Variants in MRC1 observed in about 807,000 individuals in gnomAD.
MRC1 encodes the protein mannose receptor C-type 1, also known as macrophage mannose receptor 1.
MRC1 carries 62 observed loss-of-function variants against 102.9 expected under a neutral mutation model. The observed-to-expected ratio is 0.60, with a 90% CI of 0.49 to 0.74. MRC1 has a LOEUF of 0.74. Among genes scored for constraint, MRC1 ranks in the 30% least tolerant of loss-of-function variants. The pLI is 0.00. For synonymous variants in MRC1, 457 were observed against 298.4 expected (o/e 1.53, Z -5.48); for missense variants, 1,237 against 862.8 (o/e 1.43, Z -5.43).
At chr10:17,829,935 A>G (rs1838543850) in intron 3 of MRC1, among the ~76,000 whole-genome samples, 1 of 151,558 alleles carries the variant, frequency 6.6e-6, no homozygotes. Flanking sequence ...TATTACTTGT[A>G]TTTATGCCTT....
chr10:17,869,796 T>A (rs1031674605), intron 12 of MRC1, among the ~76,000 whole-genome samples: 30 of 152,232 alleles, frequency 2.0e-4, no homozygotes, highest in African/African-American at 7.2e-4. Flanking sequence ...TTGTTTAAGC[T>A]GAACACACTA....
At position 17,823,217 on chromosome 10, in the gene MRC1, G is replaced by A; in HGVS notation, c.205G>A (p.Val69Ile). 2.6e-6 allele frequency: 2 copies of A among 780,834 alleles called. No homozygotes were observed. The highest frequency in any genetic ancestry group is 1.3e-5 in the South Asian group (1 of 74,608). The allele number at this position is 780,834 out of a possible 1,614,324, so 48.4% of individuals were successfully genotyped here. Reference protein sequence around the residue: ...RWVSESQIMSVAFKLCLGVPS... With the variant: ...RWVSESQIMSIAFKLCLGVPS... Reference sequence around the variant, plus strand: ...GGTGTCCGAATCTCAGATTATGAGTGTTGCATTTAAATTATGCCTGGGAGT... The same window carrying A: ...GGTGTCCGAATCTCAGATTATGAGTATTGCATTTAAATTATGCCTGGGAGT... The change falls in exon 2 of 30, where the codon GTT becomes ATT. Residue 69 changes from valine (V) to isoleucine (I), a missense_variant. Physicochemically the swap from Val to Ile is conservative, Grantham distance 29. Transcript: ENST00000569591.
intron 22 of MRC1, among the ~76,000 whole-genome samples, chr10:17,886,542 C>T (rs1234688930): frequency 6.6e-6 from 1 of 152,110 alleles, no homozygotes; most frequent in Non-Finnish European, 1.5e-5. Flanking sequence ...GCTGGGATTA[C>T]AGGTGCCCAC....
intron 1 of MRC1, among the ~76,000 whole-genome samples, chr10:17,822,697 A>C (rs1228051084): frequency 7.2e-5 from 11 of 152,188 alleles, no homozygotes; most frequent in Non-Finnish European, 1.3e-4. Context: ...TATTCGTATT[A>C]CCCAAATTTT....
chr10:17,855,396 C>T (rs1312583824), intron 8 of MRC1, among the ~76,000 whole-genome samples: 1 of 151,758 alleles, frequency 6.6e-6, no homozygotes, highest in Non-Finnish European at 1.5e-5. Context: ...ACGGTGAAAC[C>T]CCGTCTCTAC....
chr10:17,870,411 C>T, intron 13 of MRC1, 38 bp downstream of exon 13: 2 of 779,658 alleles, frequency 2.6e-6, no homozygotes, highest in Admixed American at 3.4e-5. Flanking sequence ...TTTTTGTTAT[C>T]TAGTTGGTGC....
chr10:17,873,937 A>G (rs1172478374), intron 16 of MRC1, 112 bp downstream of exon 16: 6 of 768,850 alleles, frequency 7.8e-6, no homozygotes, highest in Non-Finnish European at 1.4e-5. Context: ...GAAGTCCTTA[A>G]TAACCTTTGA....
Position 17,881,078 on chromosome 10 carries a change from C to T in MRC1, c.2877C>T (p.Ile959=). 1 of 780,524 alleles carries T rather than the reference C, an allele frequency of 1.3e-6. No homozygotes were observed. Among genetic ancestry groups the T allele is most frequent in the East Asian group, 2.4e-5 (1 of 41,226 alleles). 48.3% of individuals were successfully genotyped at this position (780,524 alleles called of 1,614,324 possible). ...WNFYSNKCFK[I]FGFMEEERKN... ...CTCTTCCATCCCAGTGTTTCAAAATCTTTGGATTTATGGAAGAAGAAAGAA... is the reference window on the plus strand; with the variant it reads ...CTCTTCCATCCCAGTGTTTCAAAATTTTTGGATTTATGGAAGAAGAAAGAA... Residue 959 remains isoleucine (I), a synonymous_variant, in exon 21 of 30, where the codon ATC becomes ATT. Coordinates refer to ENST00000569591, the MANE Select transcript of MRC1 (RefSeq NM_002438.4).
At chr10:17,856,062 A>AG (rs1361854395) in intron 8 of MRC1, among the ~76,000 whole-genome samples, 180 bp from the exon 9 acceptor site, 47 of 149,246 alleles carry the variant, frequency 3.1e-4, no homozygotes, top group African/African-American at 1.0e-3. Context: ...CCTAGCTACT[A>AG]GGGGGGCTGA....
chr10:17,877,833 G>A (rs1355155513), intron 17 of MRC1, 67 bp from the exon 18 acceptor site: 2 of 868,456 alleles, frequency 2.3e-6, no homozygotes, highest in African/African-American at 1.6e-5. Flanking sequence ...TAACATGTAT[G>A]TTTTGTTTAA....
intron 27 of MRC1, 130 bp from the exon 28 acceptor site, chr10:17,907,404 G>A: frequency 1.4e-6 from 1 of 710,474 alleles, no homozygotes; most frequent in Non-Finnish European, 2.6e-6. Flanking sequence ...TGCCTGTTAA[G>A]TCTGGTTATA....
chr10:17,850,006 C>T (rs1177277605), intron 7 of MRC1, among the ~76,000 whole-genome samples: 5 of 151,790 alleles, frequency 3.3e-5, no homozygotes, highest in Non-Finnish European at 5.9e-5. Flanking sequence ...ATGTGTAATC[C>T]ATTTATGGGT....
intron 17 of MRC1, 65 bp downstream of exon 17, chr10:17,875,318 A>G (rs1044430906): frequency 3.0e-5 from 23 of 772,014 alleles, no homozygotes; most frequent in South Asian, 2.9e-4. Context: ...GTTTGGTTGT[A>G]TGGAAAAGTT....
At chr10:17,826,619 T>A (rs972297718) in intron 2 of MRC1, among the ~76,000 whole-genome samples, 51 of 152,360 alleles carry the variant, frequency 3.3e-4, no homozygotes, top group African/African-American at 1.1e-3. Context: ...TCTACAAAGA[T>A]GGAGACTTTA....
chr10:17,890,820 C>A (rs1026997526), intron 22 of MRC1, among the ~76,000 whole-genome samples: 1 of 152,146 alleles, frequency 6.6e-6, no homozygotes, highest in East Asian at 1.9e-4. Flanking sequence ...AGGAACTGAG[C>A]CTCACAGCAG....
chr10:17,901,100 T>A (rs1223585632), intron 25 of MRC1, 147 bp downstream of exon 25: 4 of 670,772 alleles, frequency 6.0e-6, no homozygotes, highest in Non-Finnish European at 1.1e-5. Flanking sequence ...AAAGACTATC[T>A]TTATAAACCA....
intron 5 of MRC1, among the ~76,000 whole-genome samples, chr10:17,842,234 G>C (rs2130628285): frequency 6.6e-6 from 1 of 152,300 alleles, no homozygotes; most frequent in Non-Finnish European, 1.5e-5. Context: ...AGAGTGCTGG[G>C]ATTACAGGCG....
At chr10:17,821,185 G>A (rs957044682) in intron 1 of MRC1, among the ~76,000 whole-genome samples, 3 of 152,124 alleles carry the variant, frequency 2.0e-5, no homozygotes, top group Non-Finnish European at 4.4e-5. Context: ...GCAGAGGTTT[G>A]AAGTTGCAGA....
intron 1 of MRC1, among the ~76,000 whole-genome samples, chr10:17,815,390 C>T (rs1838295663): frequency 1.3e-5 from 2 of 152,296 alleles, no homozygotes; most frequent in African/African-American, 4.8e-5. Flanking sequence ...GTGTCAGCTT[C>T]TTACCTAGTA....
Sources: allele counts gnomAD v4.1 joint callset (sites outside exome capture counted in the v4.1 genomes callset), GRCh38; gene constraint gnomAD v4.1.1; transcripts MANE v1.5; gene names NCBI Gene and HGNC (gene_info 2026-07-23, HGNC 2026-07-21).